ZNF503: variants seen among roughly 807,000 people sequenced by gnomAD.
The protein encoded by ZNF503 is NocA-like zinc finger 2.
A neutral mutation model predicts 34.4 loss-of-function variants in ZNF503; 15 were observed. The ratio of observed to expected loss-of-function variants is 0.44; its 90% confidence interval spans 0.29 to 0.67. The LOEUF (loss-of-function observed/expected upper bound fraction) is 0.67. ZNF503 is among the 30% of genes least tolerant of loss of function. ZNF503 has a pLI of 0.13. For synonymous variants in ZNF503, 580 were observed against 456.8 expected, an observed-to-expected ratio of 1.27 and a Z score of -3.44; for missense variants, 1,007 against 926.8, an observed-to-expected ratio of 1.09 and a Z score of -1.12.
the ZNF503 span, among the ~76,000 whole-genome samples, chr10:75,380,206 G>A: frequency 6.6e-6 from 1 of 152,196 alleles, no homozygotes; most frequent in Non-Finnish European, 1.5e-5. Flanking sequence ...ATTTAACACA[G>A]GCCTGAAATG....
chr10:75,334,194 C>T, the ZNF503 span, among the ~76,000 whole-genome samples: 1 of 151,698 alleles, frequency 6.6e-6, no homozygotes, highest in Non-Finnish European at 1.5e-5. Context: ...GGCGGCTGCT[C>T]CTTGCCCTCG....
At chr10:75,347,530 G>T in the ZNF503 span, among the ~76,000 whole-genome samples, 2 of 152,164 alleles carry the variant, frequency 1.3e-5, no homozygotes, top group Non-Finnish European at 2.9e-5. Flanking sequence ...TCCCCAAGGG[G>T]CCAGCCTAGG....
At chr10:75,346,807 ATTT>A in the ZNF503 span, among the ~76,000 whole-genome samples, 1 of 141,034 alleles carries the variant, frequency 7.1e-6, no homozygotes, top group Non-Finnish European at 1.6e-5. Flanking sequence ...ATTAAAAAGA[ATTT>A]TTTTTTTTTT....
chr10:75,345,504 G>GACA, the ZNF503 span, among the ~76,000 whole-genome samples: 1 of 151,632 alleles, frequency 6.6e-6, no homozygotes, highest in African/African-American at 2.4e-5. Flanking sequence ...GCGTTGTGGT[G>GACA]GGTGCCTGTA....
chr10:75,337,613 G>T, the ZNF503 span, among the ~76,000 whole-genome samples: 18 of 131,738 alleles, frequency 1.4e-4, no homozygotes, highest in Non-Finnish European at 3.4e-5. Context: ...GCTAGACTCC[G>T]TCTCCAAAAG....
chr10:75,314,622 G>T, the ZNF503 span, among the ~76,000 whole-genome samples: 1 of 152,158 alleles, frequency 6.6e-6, no homozygotes, highest in South Asian at 2.1e-4. Context: ...GAAAGATATA[G>T]AAAGATTAGG....
Position 75,399,076 on chromosome 10 carries a change from G to C in ZNF503, c.1614C>G (p.His538Gln). The C allele has an allele frequency of 6.2e-7, 1 of 1,613,638 alleles. No individual in the cohort carries two copies. The highest frequency in any genetic ancestry group is 8.5e-7 in the Non-Finnish European group (1 of 1,179,852). Residue 538 changes from histidine (H) to glutamine (Q), a missense_variant, in exon 2 of 2, where the codon CAC (histidine) becomes CAG (glutamine). Coordinates refer to ENST00000372524, the MANE Select transcript of ZNF503 (RefSeq NM_032772.6). ...CGGGAAATGCCGTATGGGTCCGCAA[G>C]TGGCTCAGCAGCTCTTCGGACGTGG... ...RFATSEELLS[H>Q]LRTHTAFPGT...
At chr10:75,339,578 G>T in the ZNF503 span, among the ~76,000 whole-genome samples, 4 of 152,162 alleles carry the variant, frequency 2.6e-5, no homozygotes, top group Non-Finnish European at 5.9e-5. Context: ...GAGATATTTT[G>T]TCAAGAGCTA....
At chr10:75,312,965 T>C in the ZNF503 span, among the ~76,000 whole-genome samples, 1 of 152,060 alleles carries the variant, frequency 6.6e-6, no homozygotes, top group African/African-American at 2.4e-5. Context: ...TAAATGGGAG[T>C]TCCCCTGCAC....
At chr10:75,375,894 G>A in the ZNF503 span, among the ~76,000 whole-genome samples, 1 of 152,218 alleles carries the variant, frequency 6.6e-6, no homozygotes, top group Non-Finnish European at 1.5e-5. Flanking sequence ...TATCTGAAAT[G>A]CAAGGGATTC....
the ZNF503 span, among the ~76,000 whole-genome samples, chr10:75,322,422 C>T: frequency 6.6e-6 from 1 of 152,100 alleles, no homozygotes; most frequent in East Asian, 1.9e-4. Context: ...ACGCCCGGCC[C>T]ACTGCCAATT....
At chr10:75,306,990 A>G in the ZNF503 span, among the ~76,000 whole-genome samples, 2 of 151,990 alleles carry the variant, frequency 1.3e-5, no homozygotes. Context: ...GGCCAATTTC[A>G]ATATTAGGCC....
rs1263333840 is a variant in ZNF503 at position 75,399,860 on chromosome 10, G to A, written c.830C>T (p.Thr277Met). ...TGGASAEGGP[T>M]GLAHGRISCG... is the part of the protein sequence containing the mutation. ...GCTAATCCGGCCGTGTGCCAGCCCC[G>A]TGGGTCCCCCTTCGGCCGAGGCGCC... Residue 277 changes from threonine to methionine, a missense_variant, in exon 2 of 2, where the codon ACG (threonine) becomes ATG (methionine). By Grantham distance (81) the Thr-to-Met change is moderately conservative. Transcript: ENST00000372524. The A allele has an allele frequency of 6.2e-7, 1 of 1,602,588 alleles. No homozygotes were observed. The highest frequency in any genetic ancestry group is 8.5e-7 in the Non-Finnish European group (1 of 1,175,872).
chr10:75,329,200 T>C, the ZNF503 span, among the ~76,000 whole-genome samples: 32 of 152,338 alleles, frequency 2.1e-4, no homozygotes, highest in Non-Finnish European at 4.0e-4. Context: ...TCTTAATTTC[T>C]TTCTTGGCTA....
At chr10:75,366,788 C>A in the ZNF503 span, among the ~76,000 whole-genome samples, 1 of 152,224 alleles carries the variant, frequency 6.6e-6, no homozygotes, top group Non-Finnish European at 1.5e-5. Context: ...CAGTGACCAA[C>A]AGGATCATTG....
At chr10:75,383,632 C>T in the ZNF503 span, among the ~76,000 whole-genome samples, 19 of 152,340 alleles carry the variant, frequency 1.2e-4, no homozygotes, top group African/African-American at 3.4e-4. Context: ...ATCAGCTCTT[C>T]GGTAGTTAAA....
the ZNF503 span, among the ~76,000 whole-genome samples, chr10:75,350,853 C>A: frequency 6.6e-6 from 1 of 152,150 alleles, no homozygotes; most frequent in Admixed American, 6.5e-5. Context: ...CGCGTCCAGC[C>A]TGGCACTTTT....
rs368657575 is a variant in ZNF503, at chr10:75,398,908, G to A, written c.1782C>T (p.His594=). The A allele has an allele frequency of 6.4e-7, 1 of 1,563,664 alleles. No individual in the cohort carries two copies. Among genetic ancestry groups the A allele is most frequent in the Non-Finnish European group, 8.6e-7 (1 of 1,157,848 alleles). Residue 594 remains histidine (H), a synonymous_variant, in exon 2 of 2, where the codon CAC becomes CAT. Coordinates refer to ENST00000372524, the MANE Select transcript of ZNF503 (RefSeq NM_032772.6). ...PGTLALRSPH[H]ALGLSSRYHP... is the part of the protein sequence containing the mutation. The stretch of plus-strand genomic sequence containing the variant: ...GGTAGCGGCTGCTGAGTCCCAGCGC[G>A]TGGTGGGGGCTGCGCAGCGCCAGCG...
the ZNF503 span, among the ~76,000 whole-genome samples, chr10:75,351,167 G>A: frequency 6.6e-6 from 1 of 152,040 alleles, no homozygotes; most frequent in Non-Finnish European, 1.5e-5. Context: ...ATTATCAGGA[G>A]GTGGCAATTT....
Sources: allele counts gnomAD v4.1 joint callset (sites outside exome capture counted in the v4.1 genomes callset), GRCh38; gene constraint gnomAD v4.1.1; transcripts MANE v1.5; gene names NCBI Gene and HGNC (gene_info 2026-07-23, HGNC 2026-07-21).